The following DRC5 variants were observed in gnomAD, a reference collection of about 807,000 sequenced individuals.
DRC5 encodes T-complex-associated testis-expressed protein 1.
the DRC5 span, among the ~76,000 whole-genome samples, chr6:44,286,804 A>G: frequency 6.6e-6 from 1 of 152,220 alleles, no homozygotes; most frequent in South Asian, 2.1e-4. Context: ...ACTCTCAATT[A>G]TCACCTGGTC....
chr6:44,289,184 C>T, the DRC5 span, among the ~76,000 whole-genome samples: 4 of 151,114 alleles, frequency 2.6e-5, no homozygotes, highest in Non-Finnish European at 2.9e-5. Context: ...TTACAGGCGC[C>T]TGCCACCACC....
the DRC5 span, among the ~76,000 whole-genome samples, chr6:44,283,960 C>T: frequency 3.9e-5 from 6 of 152,302 alleles, no homozygotes; most frequent in South Asian, 2.1e-4. Flanking sequence ...TCTATGAACC[C>T]GTGCCTCTCT....
chr6:44,282,544 G>A, the DRC5 span: 312 of 1,589,914 alleles, frequency 2.0e-4, 2 homozygotes, highest in South Asian at 1.0e-3. Flanking sequence ...ACCTTGCTTC[G>A]GGTCAGCTTG....
the DRC5 span, among the ~76,000 whole-genome samples, chr6:44,295,885 C>T: frequency 6.6e-6 from 1 of 152,156 alleles, no homozygotes; most frequent in African/African-American, 2.4e-5. Flanking sequence ...CATAGGATTA[C>T]TCAGAAGATT....
the DRC5 span, among the ~76,000 whole-genome samples, chr6:44,294,790 A>G: frequency 2.5e-4 from 37 of 150,188 alleles, no homozygotes; most frequent in African/African-American, 8.0e-4. Context: ...AAAAAAAAAA[A>G]AAAGAAAGAA....
At chr6:44,288,143 A>C in the DRC5 span, among the ~76,000 whole-genome samples, 5 of 152,142 alleles carry the variant, frequency 3.3e-5, no homozygotes, top group African/African-American at 1.2e-4. Flanking sequence ...GGAGTGGATA[A>C]AATAATGCAT....
At chr6:44,287,935 A>G in the DRC5 span, 1 of 1,407,486 alleles carries the variant, frequency 7.1e-7, no homozygotes, top group Non-Finnish European at 9.5e-7. Context: ...CAAAAGGAAG[A>G]GGGTAGAGGT....
chr6:44,287,919 C>G, the DRC5 span: 1 of 1,482,470 alleles, frequency 6.7e-7, no homozygotes, highest in East Asian at 2.4e-5. Context: ...AGGTAGGGAT[C>G]TGGAGCAAAA....
chr6:44,286,559 G>A, the DRC5 span: 13 of 1,584,374 alleles, frequency 8.2e-6, no homozygotes, highest in Non-Finnish European at 1.1e-5. Context: ...AGGAGCGCAG[G>A]GGGTCACAGT....
chr6:44,294,574 G>A, the DRC5 span, among the ~76,000 whole-genome samples: 56 of 151,280 alleles, frequency 3.7e-4, no homozygotes, highest in East Asian at 5.1e-3. Flanking sequence ...GTGAAACCCC[G>A]TCTCTACTAA....
chr6:44,282,649 G>A, the DRC5 span: 2 of 1,183,032 alleles, frequency 1.7e-6, no homozygotes, highest in African/African-American at 1.5e-5. Flanking sequence ...CTCACCTAGT[G>A]TTGGCCACCT....
At chr6:44,289,048 T>A in the DRC5 span, among the ~76,000 whole-genome samples, 10 of 15,710 alleles carry the variant, frequency 6.4e-4, no homozygotes, top group African/African-American at 1.0e-3. Context: ...TTAGCTTTTT[T>A]TTTTTTTTTT....
chr6:44,287,431 C>T, the DRC5 span: 37 of 1,112,574 alleles, frequency 3.3e-5, no homozygotes, highest in African/African-American at 4.7e-5. Flanking sequence ...GGATGCCATA[C>T]GGGAGAGCAG....
the DRC5 span, among the ~76,000 whole-genome samples, chr6:44,288,851 G>C: frequency 6.6e-6 from 1 of 151,712 alleles, no homozygotes; most frequent in Non-Finnish European, 1.5e-5. Context: ...CAGATTAGCT[G>C]GGCAGGGTGG....
the DRC5 span, chr6:44,287,317 A>AT: frequency 1.2e-6 from 1 of 836,534 alleles, no homozygotes; most frequent in Non-Finnish European, 1.4e-6. Context: ...GGGCAGAGGC[A>AT]TGGAGGGTGC....
At chr6:44,286,472 G>A in the DRC5 span, 1 of 1,614,210 alleles carries the variant, frequency 6.2e-7, no homozygotes, top group South Asian at 1.1e-5. Context: ...TAGGTCAGGG[G>A]ACAGGTGGTT....
the DRC5 span, chr6:44,279,130 C>T: frequency 6.6e-6 from 1 of 152,328 alleles, no homozygotes; most frequent in African/African-American, 2.4e-5. Flanking sequence ...AATGAATCAG[C>T]CCAAGGAGGA....
At chr6:44,279,843 C>G in the DRC5 span, 1 of 213,618 alleles carries the variant, frequency 4.7e-6, no homozygotes, top group Non-Finnish European at 9.2e-6. Context: ...GGTGGGGAGT[C>G]AGGGAGGCAG....
the DRC5 span, among the ~76,000 whole-genome samples, chr6:44,290,411 C>A: frequency 1.3e-5 from 2 of 152,100 alleles, no homozygotes; most frequent in Non-Finnish European, 2.9e-5. Context: ...AGTGAAGGTA[C>A]TATGAGGGGC....
Sources: allele counts gnomAD v4.1 joint callset (sites outside exome capture counted in the v4.1 genomes callset), GRCh38; gene constraint gnomAD v4.1.1; transcripts MANE v1.5; gene names NCBI Gene and HGNC (gene_info 2026-07-23, HGNC 2026-07-21).